GAS2: variants seen among roughly 807,000 people sequenced by gnomAD.
GAS2 encodes growth arrest specific 2.
GAS2 carries 20 observed loss-of-function variants against 37.5 expected under a neutral mutation model. The observed-to-expected ratio is 0.53, with a 90% CI of 0.37 to 0.77. The LOEUF (loss-of-function observed/expected upper bound fraction) is 0.77. Ranked by LOEUF, GAS2 falls within the 30% of genes least tolerant of loss-of-function variation. The pLI, the probability that GAS2 is intolerant of heterozygous loss-of-function variation, is 0.00. For missense variants in GAS2, 336 were observed against 373.4 expected (o/e 0.90, Z 0.82); for synonymous variants, 144 against 132.2 (o/e 1.09, Z -0.61).
At chr11:22,661,563 G>C (rs1848916438) in intron 1 of GAS2, among the ~76,000 whole-genome samples, 1 of 152,166 alleles carries the variant, frequency 6.6e-6, no homozygotes, top group Non-Finnish European at 1.5e-5. Context: ...ATCTCTACCA[G>C]AGAGATCAAG....
intron 7 of GAS2, among the ~76,000 whole-genome samples, chr11:22,787,454 C>A (rs769163679): frequency 2.9e-4 from 44 of 151,706 alleles, no homozygotes; most frequent in Non-Finnish European, 5.6e-4. Context: ...TGTACATATA[C>A]ATAGTTATGT....
At chr11:22,805,062 T>C (rs980851288) in intron 7 of GAS2, among the ~76,000 whole-genome samples, 9 of 151,698 alleles carry the variant, frequency 5.9e-5, no homozygotes, top group African/African-American at 2.2e-4. Flanking sequence ...ACAGTGGGAG[T>C]TTGGTTTATG....
intron 3 of GAS2, among the ~76,000 whole-genome samples, chr11:22,692,236 TAG>T (rs1471201825): frequency 1.3e-5 from 2 of 152,186 alleles, no homozygotes; most frequent in Admixed American, 1.3e-4. Flanking sequence ...GGAACTTATC[TAG>T]ATCTTCATGT....
intron 1 of GAS2, among the ~76,000 whole-genome samples, chr11:22,652,072 G>A (rs530464962): frequency 1.0e-3 from 155 of 152,288 alleles, no homozygotes; most frequent in African/African-American, 3.5e-3. Flanking sequence ...AGTCTTTGAT[G>A]ATGGTGATGT....
At chr11:22,654,002 G>C (rs1848827952) in intron 1 of GAS2, among the ~76,000 whole-genome samples, 2 of 152,172 alleles carry the variant, frequency 1.3e-5, no homozygotes, top group Non-Finnish European at 2.9e-5. Context: ...CCAGGCACCA[G>C]ATATGTGAAT....
At chr11:22,752,229 A>G (rs1243372959) in intron 6 of GAS2, among the ~76,000 whole-genome samples, 1 of 152,066 alleles carries the variant, frequency 6.6e-6, no homozygotes, top group Non-Finnish European at 1.5e-5. Context: ...AGTGAGTTCC[A>G]TAATAAGATC....
chr11:22,737,096 A>G (rs898902708), intron 4 of GAS2, among the ~76,000 whole-genome samples: 2 of 152,172 alleles, frequency 1.3e-5, no homozygotes, highest in Non-Finnish European at 2.9e-5. Context: ...ATTGGTACAT[A>G]TTTCCAAAAT....
chr11:22,698,819 A>G (rs1462164835), intron 3 of GAS2, among the ~76,000 whole-genome samples: 1 of 152,174 alleles, frequency 6.6e-6, no homozygotes, highest in African/African-American at 2.4e-5. Flanking sequence ...TATTTAAGAA[A>G]ATGTGAAGTA....
intron 2 of GAS2, among the ~76,000 whole-genome samples, chr11:22,682,887 G>GAAAAAAAAAAAAA (rs1849756324): frequency 1.4e-5 from 1 of 73,662 alleles, no homozygotes; most frequent in East Asian, 3.8e-4. Context: ...AAAAAAAAAA[G>GAAAAAAAAAAAAA]GAAAAAAAAA....
intron 6 of GAS2, among the ~76,000 whole-genome samples, chr11:22,751,534 T>A (rs527947566): frequency 3.3e-5 from 5 of 152,116 alleles, no homozygotes; most frequent in African/African-American, 1.2e-4. Flanking sequence ...ATATTATCAA[T>A]GTAGCTAATT....
chr11:22,762,968 G>A (rs2134378946), intron 7 of GAS2, among the ~76,000 whole-genome samples: 1 of 152,176 alleles, frequency 6.6e-6, no homozygotes, highest in East Asian at 1.9e-4. Context: ...CATTTTCATA[G>A]CAGAACTTCA....
At chr11:22,739,832 C>A (rs771004401) in intron 5 of GAS2, among the ~76,000 whole-genome samples, 2 of 151,946 alleles carry the variant, frequency 1.3e-5, no homozygotes, top group Non-Finnish European at 2.9e-5. Flanking sequence ...AGATAAGCCT[C>A]TTGCTTCTGA....
At chr11:22,627,585 AT>A (rs1278467287) in intron 1 of GAS2, among the ~76,000 whole-genome samples, 1 of 152,152 alleles carries the variant, frequency 6.6e-6, no homozygotes, top group East Asian at 1.9e-4. Context: ...CCTGGCCAAT[AT>A]GGCAAAACTC....
chr11:22,783,843 A>C (rs1269449128), intron 7 of GAS2, among the ~76,000 whole-genome samples: 9 of 152,140 alleles, frequency 5.9e-5, no homozygotes, highest in African/African-American at 2.2e-4. Context: ...GAAGGAGTCC[A>C]GTTTCGTTCT....
intron 1 of GAS2, among the ~76,000 whole-genome samples, chr11:22,652,876 C>G (rs1005653527): frequency 2.0e-5 from 3 of 152,198 alleles, no homozygotes; most frequent in African/African-American, 7.2e-5. Context: ...AAAAATCACC[C>G]GTCTTCTGCG....
intron 3 of GAS2, among the ~76,000 whole-genome samples, chr11:22,721,050 G>C (rs1399584644): frequency 1.3e-5 from 2 of 152,040 alleles, no homozygotes; most frequent in Admixed American, 6.6e-5. Context: ...GGTTTGAACT[G>C]TGCATAAGCT....
At chr11:22,705,562 T>C (rs1449842394) in intron 3 of GAS2, among the ~76,000 whole-genome samples, 1 of 152,188 alleles carries the variant, frequency 6.6e-6, no homozygotes, top group Non-Finnish European at 1.5e-5. Context: ...AATATGAACA[T>C]ATAATAATAT....
upstream of GAS2, among the ~76,000 whole-genome samples, chr11:22,664,143 T>C (rs1271869869): frequency 1.3e-5 from 2 of 152,184 alleles, no homozygotes; most frequent in East Asian, 3.8e-4. Context: ...TGGTCACTTC[T>C]GGAAATTTAT....
chr11:22,685,956 C>G (rs545464832), intron 3 of GAS2, among the ~76,000 whole-genome samples, 167 bp downstream of exon 3: 1 of 152,222 alleles, frequency 6.6e-6, no homozygotes, highest in South Asian at 2.1e-4. Flanking sequence ...TATTTGCACT[C>G]TAATTACATA....
Sources: allele counts gnomAD v4.1 joint callset (sites outside exome capture counted in the v4.1 genomes callset), GRCh38; gene constraint gnomAD v4.1.1; transcripts MANE v1.5; gene names NCBI Gene and HGNC (gene_info 2026-07-23, HGNC 2026-07-21).